Variants in MOB2 observed in about 807,000 individuals in gnomAD.
The protein encoded by MOB2 is MOB2 Mps One Binder homolog.
Under a neutral mutation model 27.4 loss-of-function variants are expected in MOB2, and 14 were observed. That is an observed-to-expected ratio of 0.51 (90% CI 0.34 to 0.80). The LOEUF is 0.80. Among genes scored for constraint, MOB2 ranks in the 30% least tolerant of loss-of-function variants. The pLI, the probability that MOB2 is intolerant of heterozygous loss-of-function variation, is 0.01. For missense variants in MOB2, 304 were observed against 354.6 expected (o/e 0.86, Z 1.15); for synonymous variants, 167 against 151.8 (o/e 1.10, Z -0.74).
chr11:1,471,511 G>A (rs1402875901), intron 3 of MOB2, 92 bp from the exon 4 acceptor site: 4 of 1,512,928 alleles, frequency 2.6e-6, no homozygotes, highest in Admixed American at 2.0e-5. Context: ...GCGGGCAGAG[G>A]TGGCGCCAGC....
chr11:1,478,749 T>TCCGGCC (rs1847879254), intron 3 of MOB2, among the ~76,000 whole-genome samples: 1 of 152,202 alleles, frequency 6.6e-6, no homozygotes, highest in African/African-American at 2.4e-5. Flanking sequence ...GCAATGTGTT[T>TCCGGCC]CCGGCCCCGC....
In MOB2 at chr11:1,470,239, C is replaced by A. The variant is rs918614588; in HGVS notation, c.740G>T (p.Ser247Ile). ...VLCSGAGGVH[S>I]GGSGDGAGSG... The stretch of plus-strand genomic sequence containing the variant: ...GCCGGCCCCATCCCCACTGCCCCCA[C>A]TGTGGACCCCGCCGGCCCCGCTGCA... The change falls in exon 5 of 5, where the codon AGT (serine) becomes ATT (isoleucine). Residue 247 changes from serine to isoleucine, a missense_variant. Physicochemically the swap from Ser to Ile is moderately radical, Grantham distance 142. Coordinates refer to ENST00000329957, the MANE Select transcript of MOB2 (RefSeq NM_001172223.3). 6.2e-7 allele frequency: 1 copy of A among 1,612,454 alleles called. No homozygotes were observed. The highest frequency in any genetic ancestry group is 8.5e-7 in the Non-Finnish European group (1 of 1,179,864).
At chr11:1,471,494 G>A in intron 3 of MOB2, 75 bp from the exon 4 acceptor site, 1 of 1,539,974 alleles carries the variant, frequency 6.5e-7, no homozygotes. Flanking sequence ...ACCCGCTCAG[G>A]TCATCTGCGG....
At chr11:1,471,828 G>A (rs1401163198) in intron 3 of MOB2, 2 of 160,484 alleles carry the variant, frequency 1.2e-5, no homozygotes, top group South Asian at 1.8e-4. Context: ...CCAGGAAGCT[G>A]TGCTGTGGCT....
rs1847972259 is a variant in MOB2, at chr11:1,486,538, T to TGCAGTGGTCTCCCA, written c.5_18dup (p.Ser7TrpfsTer145). On this transcript the variant is annotated frameshift_variant, in exon 1 of 5. Transcript: ENST00000329957. LOFTEE classifies it high-confidence loss of function. ...GGCCGGGCTTGGTCTTCAGGGAGACTGCAGTGGTCTCCCAGCATGAGTGGG... is the reference window on the plus strand; with the variant it reads ...GGCCGGGCTTGGTCTTCAGGGAGACTGCAGTGGTCTCCCAGCAGTGGTCTCCCAGCATGAGTGGG... 6.5e-7 allele frequency: 1 copy of TGCAGTGGTCTCCCA among 1,535,374 alleles called. No homozygotes were observed. Among genetic ancestry groups the TGCAGTGGTCTCCCA allele is most frequent in the Admixed American group, 2.0e-5 (1 of 50,998 alleles).
intron 1 of MOB2, chr11:1,481,701 AGCAGGGGCAGGAGCAGGGGCAGGG>A (rs1164087297): frequency 3.1e-5 from 3 of 98,160 alleles, no homozygotes; most frequent in Admixed American, 9.8e-5. Context: ...CCAGGCAGGG[AGCAGGGGCAGGAGCAGGGGCAGGG>A]GCAGGGGCAG....
At position 1,482,267 on chromosome 11, in the gene MOB2, C is replaced by A. The variant is rs962681802; in HGVS notation, c.111-1382G>T. On this transcript the variant is annotated intron_variant, in intron 1 of 4. Transcript: ENST00000329957. ...CTGGCAAGCTCCAGGTGGCAGTTACCTGGTGGTCGGTCACGCAGGGCTGCC... is the reference window on the plus strand; with the variant it reads ...CTGGCAAGCTCCAGGTGGCAGTTACATGGTGGTCGGTCACGCAGGGCTGCC... 7.9e-5 allele frequency among the ~76,000 whole-genome samples: 12 copies of A among 152,360 alleles called. No individual in the cohort carries two copies. The East Asian group carries it at 2.3e-3, about 29-fold the overall frequency.
At chr11:1,485,660 G>A (rs929862644) in intron 1 of MOB2, among the ~76,000 whole-genome samples, 17 of 152,076 alleles carry the variant, frequency 1.1e-4, no homozygotes, top group South Asian at 1.0e-3. Flanking sequence ...CCCCACCCGG[G>A]AGGACACACT....
rs764431280 is a variant in MOB2, at chr11:1,469,624, G to C, written c.*548C>G. ...GGGCATGGAGGAGGCAGCAGGAAGG[G>C]GTGACAGGAGCAGGAGCAGGTGCAG... On this transcript the variant is annotated 3_prime_UTR_variant, in exon 5 of 5. Transcript: ENST00000329957. 4.4e-6 allele frequency: 2 copies of C among 456,894 alleles called. No individual in the cohort carries two copies. Among genetic ancestry groups the C allele is most frequent in the Non-Finnish European group, 8.8e-6 (2 of 227,214 alleles). The allele number at this position is 456,894 out of a possible 1,614,324, so 28.3% of individuals were successfully genotyped here.
rs560026824 is a variant in MOB2 at position 1,486,664 on chromosome 11, G to A, written c.-108C>T. The A allele has an allele frequency of 3.5e-5, 25 of 722,830 alleles. No individual in the cohort carries two copies. In the East Asian group the frequency reaches 6.3e-4, roughly 18 times the overall value. The allele number at this position is 722,830 out of a possible 1,614,324, so 44.8% of individuals were successfully genotyped here. A position where few individuals can be genotyped will look rare whatever the true frequency, so the allele number is the denominator to read the frequency against. On this transcript the variant is annotated 5_prime_UTR_variant, in exon 1 of 5. Transcript: ENST00000329957. The stretch of plus-strand genomic sequence containing the variant: ...TCCAGCCTCACTCCCTGGCCAATGG[G>A]ACGCCTGGCAGAGACAAACAGCTGC...
In MOB2 at chr11:1,470,277, G is replaced by A. The variant is rs1269777453; in HGVS notation, c.702C>T (p.Leu234=). 3 of 1,613,118 alleles carry A rather than the reference G, an allele frequency of 1.9e-6. No individual in the cohort carries two copies. Among genetic ancestry groups the A allele is most frequent in the Admixed American group, 3.3e-5 (2 of 60,030 alleles). Residue 234 remains leucine, a synonymous_variant, in exon 5 of 5, where the codon CTC becomes CTT. Coordinates refer to ENST00000329957, the MANE Select transcript of MOB2 (RefSeq NM_001172223.3). The stretch of plus-strand genomic sequence containing the variant: ...CGGCCCCGCTGCATAGCACCTCGGT[G>A]AGGTCGTCCATGATGGCGGTCTCTT... ...DPKETAIMDD[L]TEVLCSGAGG...
In MOB2 at chr11:1,480,482, C is replaced by T. The variant is rs771718104; in HGVS notation, c.276G>A (p.Thr92=). 10 of 1,613,608 alleles carry T rather than the reference C, an allele frequency of 6.2e-6. No homozygotes were observed. Among genetic ancestry groups the T allele is most frequent in the South Asian group, 2.2e-5 (2 of 91,084 alleles). ...DLNEWLASNT[T]TFFHHINLQY... is the part of the protein sequence containing the mutation. ...GCAGGTTGATGTGGTGGAAAAACGT[C>T]GTGGCTGGAAGAGAAGAGAAGGAGC... Residue 92 remains threonine, a synonymous_variant, in exon 3 of 5, where the codon ACG becomes ACA. Transcript: ENST00000329957.
intron 3 of MOB2, chr11:1,471,712 C>A: frequency 3.1e-6 from 1 of 325,636 alleles, no homozygotes; most frequent in East Asian, 5.2e-5. Flanking sequence ...AAGGGGTCAT[C>A]TTCGTTTTCT....
At chr11:1,470,757 G>C (rs1044193439) in intron 4 of MOB2, among the ~76,000 whole-genome samples, 1 of 152,210 alleles carries the variant, frequency 6.6e-6, no homozygotes, top group African/African-American at 2.4e-5. Flanking sequence ...AGCTCGTTGG[G>C]CCATCCTGGC....
intron 1 of MOB2, chr11:1,481,153 C>T (rs771187692): frequency 1.7e-6 from 1 of 599,596 alleles, no homozygotes; most frequent in Admixed American, 2.4e-5. Context: ...GCACGGAGGG[C>T]ATCCTCACCC....
chr11:1,471,475 C>CT, intron 3 of MOB2, 56 bp from the exon 4 acceptor site: 1 of 1,569,160 alleles, frequency 6.4e-7, no homozygotes, highest in Non-Finnish European at 8.7e-7. Flanking sequence ...CACCCAGCCA[C>CT]TGGGTCCCAC....
At chr11:1,481,202 A>G in intron 1 of MOB2, 1 of 458,584 alleles carries the variant, frequency 2.2e-6, no homozygotes, top group Non-Finnish European at 4.1e-6. Context: ...CCCAGGGTTT[A>G]GGGCCCCCAG....
At chr11:1,470,811 G>A (rs936176903) in intron 4 of MOB2, among the ~76,000 whole-genome samples, 5 of 151,884 alleles carry the variant, frequency 3.3e-5, no homozygotes, top group African/African-American at 1.2e-4. Context: ...TCGGGCCCCC[G>A]TGGTGTCTCC....
chr11:1,479,605 G>A (rs1245183441), intron 3 of MOB2, among the ~76,000 whole-genome samples: 1 of 152,248 alleles, frequency 6.6e-6, no homozygotes, highest in Non-Finnish European at 1.5e-5. Flanking sequence ...CTTGAAGGCA[G>A]AACTCAGCTT....
Sources: allele counts gnomAD v4.1 joint callset (sites outside exome capture counted in the v4.1 genomes callset), GRCh38; gene constraint gnomAD v4.1.1; transcripts MANE v1.5; gene names NCBI Gene and HGNC (gene_info 2026-07-23, HGNC 2026-07-21).